Variants in KLF8 observed in about 807,000 individuals in gnomAD.
The protein encoded by KLF8 is Krueppel-like factor 8.
A neutral mutation model predicts 18.2 loss-of-function variants in KLF8; 10 were observed. The ratio of observed to expected loss-of-function variants is 0.55; its 90% CI spans 0.34 to 0.93. The LOEUF is 0.93. Among genes scored for constraint, KLF8 ranks in the 40% least tolerant of loss-of-function variants. The pLI, the probability that KLF8 is intolerant of heterozygous loss-of-function variation, is 0.02. For synonymous variants in KLF8, 109 were observed against 97.3 expected (o/e 1.12, Z -0.71); for missense variants, 264 against 277.9 (o/e 0.95, Z 0.36).
the KLF8 span, among the ~76,000 whole-genome samples, chrX:55,925,014 C>G: frequency 1.0e-5 from 1 of 98,993 alleles, no homozygotes; most frequent in African/African-American, 4.1e-5. Context: ...TGCCACCACG[C>G]CCAGCTAATT....
chrX:56,203,500 G>A, the KLF8 span, among the ~76,000 whole-genome samples: 3 of 112,052 alleles, frequency 2.7e-5, no homozygotes, highest in African/African-American at 6.5e-5. Context: ...AATTTTTGCC[G>A]AGGCCAACGT....
chrX:56,089,004 C>G, the KLF8 span, among the ~76,000 whole-genome samples: 1 of 111,488 alleles, frequency 9.0e-6, no homozygotes, highest in Non-Finnish European at 1.9e-5. Flanking sequence ...TCATCTATTT[C>G]TAAGCATCAT....
At chrX:56,269,267 A>G in intron 3 of KLF8, 111 bp from the exon 4 acceptor site, 2 of 1,039,589 alleles carry the variant, frequency 1.9e-6, no homozygotes, top group Non-Finnish European at 1.2e-6. Context: ...TTATTTCTTT[A>G]TTTTTCTGTC....
the KLF8 span, among the ~76,000 whole-genome samples, chrX:56,000,801 CT>C: frequency 6.4e-5 from 7 of 110,007 alleles, no homozygotes; most frequent in African/African-American, 9.9e-5. Context: ...ATTCATTTTA[CT>C]TTTTTTTTGT....
the KLF8 span, among the ~76,000 whole-genome samples, chrX:56,137,410 G>A: frequency 9.4e-6 from 1 of 105,840 alleles, no homozygotes; most frequent in Admixed American, 1.0e-4. Context: ...ATACACCATG[G>A]AATACTATGC....
the KLF8 span, among the ~76,000 whole-genome samples, chrX:56,086,757 C>A: frequency 9.0e-6 from 1 of 110,973 alleles, no homozygotes; most frequent in Admixed American, 9.6e-5. Context: ...CTTAAAGACA[C>A]CCCTTCTTGC....
At chrX:56,169,361 G>T in the KLF8 span, among the ~76,000 whole-genome samples, 5 of 111,186 alleles carry the variant, frequency 4.5e-5, no homozygotes, top group African/African-American at 6.5e-5. Context: ...TACCAGCTTG[G>T]CCACAGGAGG....
At chrX:56,203,294 T>G in the KLF8 span, among the ~76,000 whole-genome samples, 46 of 112,364 alleles carry the variant, frequency 4.1e-4, no homozygotes, top group African/African-American at 1.4e-3. Context: ...CCTATATTGT[T>G]GTTTGAGCTC....
chrX:56,116,821 T>C, the KLF8 span, among the ~76,000 whole-genome samples: 2 of 109,959 alleles, frequency 1.8e-5, no homozygotes, highest in Non-Finnish European at 3.8e-5. Flanking sequence ...GTCACCATGC[T>C]GTACCTTAGC....
At chrX:56,141,319 T>C in the KLF8 span, among the ~76,000 whole-genome samples, 11 of 111,951 alleles carry the variant, frequency 9.8e-5, no homozygotes, top group African/African-American at 3.6e-4. Context: ...TATATTTTCC[T>C]ATGAATTTCC....
rs899517372 is a variant in KLF8, at chrX:56,285,781, A to G, written c.*1287A>G. 4 of 111,636 alleles carry G rather than the reference A, an allele frequency of 3.6e-5. No homozygotes were observed. Among genetic ancestry groups the G allele is most frequent in the African/African-American group, 1.3e-4 (4 of 30,719 alleles). 9.2% of individuals were successfully genotyped at this position (111,636 alleles called of 1,213,427 possible). A position where few individuals can be genotyped will look rare whatever the true frequency, so the allele number is the denominator to read the frequency against. ...GTTTTATAATATTACCTGGGGTACA[A>G]AATCCTCTGTTCCTGGCCCTGGACC... On this transcript the variant is annotated 3_prime_UTR_variant, in exon 6 of 6. Coordinates refer to ENST00000468660, the MANE Select transcript of KLF8 (RefSeq NM_007250.5).
At chrX:55,963,637 C>A in the KLF8 span, among the ~76,000 whole-genome samples, 1 of 112,143 alleles carries the variant, frequency 8.9e-6, no homozygotes, top group African/African-American at 3.2e-5. Flanking sequence ...TTCTTGGACA[C>A]ATATGAAGAG....
At chrX:56,081,825 A>G in the KLF8 span, among the ~76,000 whole-genome samples, 8 of 112,103 alleles carry the variant, frequency 7.1e-5, no homozygotes, top group South Asian at 7.4e-4. Flanking sequence ...TTGTTGTTGT[A>G]TAATTCTTTT....
At chrX:56,187,499 G>A in the KLF8 span, among the ~76,000 whole-genome samples, 2 of 111,802 alleles carry the variant, frequency 1.8e-5, no homozygotes, top group South Asian at 3.8e-4. Flanking sequence ...TAGAAAAAGA[G>A]GGAATCCTCC....
At chrX:56,131,180 C>T in the KLF8 span, among the ~76,000 whole-genome samples, 1 of 111,663 alleles carries the variant, frequency 9.0e-6, no homozygotes, top group African/African-American at 3.2e-5. Flanking sequence ...TGCCTAGGCA[C>T]ATAGTCATCA....
the KLF8 span, among the ~76,000 whole-genome samples, chrX:56,138,052 A>AC: frequency 4.9e-3 from 513 of 105,475 alleles, 3 homozygotes; most frequent in Middle Eastern, 0.02. Flanking sequence ...AATACAAAAA[A>AC]AAAAAAAAAA....
At chrX:56,260,270 G>T (rs1029401470) in intron 2 of KLF8, among the ~76,000 whole-genome samples, 1 of 110,453 alleles carries the variant, frequency 9.1e-6, no homozygotes, top group African/African-American at 3.3e-5. Context: ...GGGAATTGAG[G>T]TGTAGACGAG....
chrX:56,173,155 T>C, the KLF8 span, among the ~76,000 whole-genome samples: 3 of 112,105 alleles, frequency 2.7e-5, no homozygotes, highest in Non-Finnish European at 3.8e-5. Flanking sequence ...TTTGGTGTTT[T>C]AGACATGAAG....
the KLF8 span, among the ~76,000 whole-genome samples, chrX:56,012,056 T>C: frequency 8.9e-6 from 1 of 111,797 alleles, no homozygotes; most frequent in Admixed American, 9.5e-5. Context: ...TCTTCTGAAA[T>C]TATCTGAAAG....
Sources: gnomAD v4.1 joint callset for allele counts (sites outside exome capture counted in the v4.1 genomes callset) on GRCh38, gnomAD v4.1.1 for gene constraint, MANE v1.5 for transcripts, NCBI Gene and HGNC (gene_info 2026-07-23, HGNC 2026-07-21) for gene names.